Variants in LAMA2 observed in about 807,000 individuals in gnomAD.
LAMA2 encodes the protein laminin subunit alpha 2, also known as laminin subunit alpha-2.
Under a neutral mutation model 364.8 loss-of-function variants are expected in LAMA2, and 269 were observed. The observed-to-expected ratio is 0.74, with a 90% CI of 0.67 to 0.82. LAMA2 has a LOEUF of 0.82. Among genes scored for constraint, LAMA2 ranks in the 40% least tolerant of loss-of-function variants. The pLI, the probability that LAMA2 is intolerant of heterozygous loss-of-function variation, is 0.00. For synonymous variants in LAMA2, 1,379 were observed against 1,370.6 expected, an observed-to-expected ratio of 1.01 and a Z score of -0.14; for missense variants, 3,807 against 3,873.2, an observed-to-expected ratio of 0.98 and a Z score of 0.45.
At position 129,416,104 on chromosome 6, in the gene LAMA2, A is replaced by G. The variant is rs1006476668; in HGVS notation, c.5866-11648A>G. Among the ~76,000 whole-genome samples, 16 of 95,552 alleles carry G rather than the reference A, an allele frequency of 1.7e-4. 7 individuals are homozygous for G. The highest frequency in any genetic ancestry group is 7.9e-4 in the African/African-American group (16 of 20,248). 62.7% of individuals were successfully genotyped at this position (95,552 alleles called of 152,430 possible). A position where few individuals can be genotyped will look rare whatever the true frequency, so the allele number is the denominator to read the frequency against. ...GCTGGGACTACAGGCGCCCGCCACT[A>G]CGCCCGGCTAATTTTTTTGTATTTT... On this transcript the variant is annotated intron_variant, in intron 40 of 64. Coordinates refer to ENST00000421865, the MANE Select transcript of LAMA2 (RefSeq NM_000426.4).
chr6:129,104,167 T>A lies in LAMA2; in HGVS notation c.639+5752T>A, dbSNP rs911865138. 5.9e-5 allele frequency among the ~76,000 whole-genome samples: 9 copies of A among 152,224 alleles called. No homozygotes were observed. The East Asian group carries it at 1.5e-3, about 26-fold the overall frequency. Reference sequence around the variant, plus strand: ...AAAAATCAGCCTCCAGCTAATTTTTTAAAATTTTTTTGTAGAGACAGGGTC... The same window carrying A: ...AAAAATCAGCCTCCAGCTAATTTTTAAAAATTTTTTTGTAGAGACAGGGTC... On this transcript the variant is annotated intron_variant, in intron 4 of 64. Transcript: ENST00000421865.
chr6:129,245,956 T>G (rs1370037455), intron 12 of LAMA2, among the ~76,000 whole-genome samples: 1 of 152,190 alleles, frequency 6.6e-6, no homozygotes, highest in Non-Finnish European at 1.5e-5. Flanking sequence ...GTATTCATAA[T>G]TTTTTCATAG....
intron 12 of LAMA2, among the ~76,000 whole-genome samples, chr6:129,230,285 A>C (rs1784600544): frequency 6.6e-6 from 1 of 152,188 alleles, no homozygotes. Flanking sequence ...ATAAGGTAAG[A>C]AATGAGAATT....
At chr6:128,980,107 T>C (rs998150832) in intron 1 of LAMA2, among the ~76,000 whole-genome samples, 73 of 152,312 alleles carry the variant, frequency 4.8e-4, no homozygotes, top group African/African-American at 1.7e-3. Context: ...ATTGCTGATA[T>C]AGCCACCTGA....
At chr6:129,203,743 G>A (rs1048883709) in intron 12 of LAMA2, among the ~76,000 whole-genome samples, 28 of 152,146 alleles carry the variant, frequency 1.8e-4, no homozygotes, top group Non-Finnish European at 3.7e-4. Flanking sequence ...CCTTTGATTA[G>A]TGTTTTGGTC....
At chr6:128,921,490 G>A (rs1399361484) in intron 1 of LAMA2, among the ~76,000 whole-genome samples, 1 of 152,108 alleles carries the variant, frequency 6.6e-6, no homozygotes, top group Non-Finnish European at 1.5e-5. Context: ...CAATATGACT[G>A]GTATCATAGA....
chr6:129,396,286 T>C (rs1779612815), intron 37 of LAMA2, among the ~76,000 whole-genome samples: 1 of 152,056 alleles, frequency 6.6e-6, no homozygotes, highest in Admixed American at 6.6e-5. Flanking sequence ...TCCTGAAAAA[T>C]TCAGACATGT....
chr6:129,158,226 G>C lies in LAMA2; in HGVS notation c.1206+3543G>C, dbSNP rs138386920. 2,813 of 1,613,882 alleles carry C rather than the reference G, an allele frequency of 1.7e-3. 31 individuals are homozygous for C. In the African/African-American group the frequency reaches 0.033, roughly 19 times the overall value. On this transcript the variant is annotated intron_variant, in intron 8 of 64. Coordinates refer to ENST00000421865, the MANE Select transcript of LAMA2 (RefSeq NM_000426.4). ...CAAATAGAGCTGAGTCCAGGAACCTGTACCTTTAATATCTGCCGCTATGAA... is the reference window on the plus strand; with the variant it reads ...CAAATAGAGCTGAGTCCAGGAACCTCTACCTTTAATATCTGCCGCTATGAA...
chr6:129,503,223 G>C lies in LAMA2; in HGVS notation c.8490G>C (p.Gly2830=). The change falls in exon 60 of 65, where the codon GGG becomes GGC. Residue 2830 remains glycine (G), a synonymous_variant. Coordinates refer to ENST00000421865, the MANE Select transcript of LAMA2 (RefSeq NM_000426.4). Reference sequence around the variant, plus strand: ...TGCCCTACTTCAGCTATGACTTGGGGAGTGGGGACACCCACACCATGATCC... The same window carrying C: ...TGCCCTACTTCAGCTATGACTTGGGCAGTGGGGACACCCACACCATGATCC... The part of the protein sequence containing the change: ...NGLPYFSYDL[G]SGDTHTMIPT... 1 of 1,614,094 alleles carries C rather than the reference G, an allele frequency of 6.2e-7. No individual in the cohort carries two copies. The highest frequency in any genetic ancestry group is 8.5e-7 in the Non-Finnish European group (1 of 1,179,990).
chr6:128,887,176 A>C (rs1405972315), intron 1 of LAMA2, among the ~76,000 whole-genome samples: 1 of 152,192 alleles, frequency 6.6e-6, no homozygotes, highest in Non-Finnish European at 1.5e-5. Context: ...CGTCAATTGC[A>C]CAGTTCTAAA....
chr6:129,511,123 C>G (rs1227927668), intron 62 of LAMA2, among the ~76,000 whole-genome samples: 3 of 152,134 alleles, frequency 2.0e-5, no homozygotes, highest in African/African-American at 7.2e-5. Flanking sequence ...CCCTTGCCAT[C>G]CCCTGAACAC....
At chr6:129,372,704 G>C (rs745697344) in intron 34 of LAMA2, among the ~76,000 whole-genome samples, 1 of 152,014 alleles carries the variant, frequency 6.6e-6, no homozygotes, top group Non-Finnish European at 1.5e-5. Flanking sequence ...AGTATATTTA[G>C]TTTTGAAAGA....
rs184042924 is a variant in LAMA2, at chr6:129,375,284, C to T, written c.4959+5294C>T. Among the ~76,000 whole-genome samples, 3 of 152,208 alleles carry T rather than the reference C, an allele frequency of 2.0e-5. No homozygotes were observed. In the East Asian group the frequency reaches 5.8e-4, roughly 29 times the overall value. ...GAGAATCATGTTTAACATATTCAAA[C>T]TGCCCTACAGTATGTGTGAAATATT... On this transcript the variant is annotated intron_variant, in intron 34 of 64. Transcript: ENST00000421865.
chr6:129,365,720 T>C (rs913912922), intron 32 of LAMA2, among the ~76,000 whole-genome samples: 1 of 152,014 alleles, frequency 6.6e-6, no homozygotes, highest in African/African-American at 2.4e-5. Flanking sequence ...AGCTAAAAAT[T>C]TATATACTTT....
At chr6:129,225,252 CTA>C (rs1310036036) in intron 12 of LAMA2, among the ~76,000 whole-genome samples, 1 of 152,136 alleles carries the variant, frequency 6.6e-6, no homozygotes, top group Non-Finnish European at 1.5e-5. Context: ...TGCTAGCAGT[CTA>C]TCAATTTTGT....
chr6:129,442,765 C>G (rs1171388659), intron 43 of LAMA2: 9 of 424,264 alleles, frequency 2.1e-5, no homozygotes, highest in South Asian at 1.9e-4. Context: ...TGTTTTAATC[C>G]TATCCTCTAT....
chr6:128,995,750 AAATC>A (rs574143644), intron 1 of LAMA2, among the ~76,000 whole-genome samples: 1 of 152,126 alleles, frequency 6.6e-6, no homozygotes, highest in Non-Finnish European at 1.5e-5. Flanking sequence ...TATGTTGTTA[AAATC>A]AATTTTTGCA....
chr6:129,403,530 A>G (rs753151795), intron 39 of LAMA2, among the ~76,000 whole-genome samples: 2 of 152,196 alleles, frequency 1.3e-5, no homozygotes, highest in South Asian at 2.1e-4. Context: ...AAGGTGAAGA[A>G]TTGTCTCATA....
chr6:129,481,212 T>A, intron 54 of LAMA2, 51 bp from the exon 55 acceptor site: 1 of 1,472,306 alleles, frequency 6.8e-7, no homozygotes, highest in South Asian at 1.1e-5. Context: ...GGAGAACTTA[T>A]TTAAATTTTC....
Sources: allele counts gnomAD v4.1 joint callset (sites outside exome capture counted in the v4.1 genomes callset), GRCh38; gene constraint gnomAD v4.1.1; transcripts MANE v1.5; gene names NCBI Gene and HGNC (gene_info 2026-07-23, HGNC 2026-07-21).